GSK3B: variants seen among roughly 807,000 people sequenced by gnomAD.
GSK3B encodes glycogen synthase kinase 3 beta.
Under a neutral mutation model 56.4 loss-of-function variants are expected in GSK3B, and 15 were observed. That is an observed-to-expected ratio of 0.27 (90% confidence interval 0.18 to 0.41). The LOEUF (loss-of-function observed/expected upper bound fraction) is 0.41. Among genes scored for constraint, GSK3B ranks in the 10% least tolerant of loss-of-function variants. GSK3B has a pLI of 1.00. For synonymous variants in GSK3B, 181 were observed against 188.9 expected, an observed-to-expected ratio of 0.96 and a Z score of 0.34; for missense variants, 300 against 513.4, an observed-to-expected ratio of 0.58 and a Z score of 4.02.
intron 3 of GSK3B, among the ~76,000 whole-genome samples, chr3:119,925,371 T>C (rs995659083): frequency 6.6e-6 from 1 of 152,152 alleles, no homozygotes; most frequent in African/African-American, 2.4e-5. Flanking sequence ...TCCTGGTCCA[T>C]TCACTTTTCC....
chr3:120,037,372 T>C (rs1280452589), intron 1 of GSK3B, among the ~76,000 whole-genome samples: 1 of 152,200 alleles, frequency 6.6e-6, no homozygotes, highest in African/African-American at 2.4e-5. Flanking sequence ...CTTAACTTCT[T>C]AAGCAATTAA....
rs573037877 is a variant in GSK3B, at chr3:120,001,702, C to G, written c.282+344G>C. ...GTCAAATACATAAAATGCTTATATG[C>G]TACAGGCAGTGTTCCTCTGGTCTAC... On this transcript the variant is annotated intron_variant, in intron 2 of 10. Transcript: ENST00000264235. 6.6e-5 allele frequency among the ~76,000 whole-genome samples: 10 copies of G among 152,280 alleles called. No homozygotes were observed. In the South Asian group the frequency reaches 2.1e-3, roughly 32 times the overall value.
intron 9 of GSK3B, among the ~76,000 whole-genome samples, chr3:119,844,366 TAA>T (rs148828914): frequency 2.0e-5 from 3 of 147,506 alleles, no homozygotes; most frequent in Middle Eastern, 3.5e-3. Flanking sequence ...AAAAAACTCT[TAA>T]AAAAAAAAAA....
intron 2 of GSK3B, among the ~76,000 whole-genome samples, chr3:119,948,175 C>CA (rs140888610): frequency 0.11 from 16,920 of 151,690 alleles, 1,193 homozygotes; most frequent in Non-Finnish European, 0.16. Context: ...GCTTTCTAGC[C>CA]AAAAAAATAA....
chr3:120,061,567 A>G (rs2058237057), intron 1 of GSK3B, among the ~76,000 whole-genome samples: 1 of 152,208 alleles, frequency 6.6e-6, no homozygotes. Flanking sequence ...AACACTGTTT[A>G]GACACTATTA....
chr3:120,087,346 CACA>C (rs1307631910), intron 1 of GSK3B, among the ~76,000 whole-genome samples: 29 of 152,160 alleles, frequency 1.9e-4, no homozygotes, highest in Admixed American at 1.5e-3. Context: ...GCCTGGCCAA[CACA>C]GTGAAACTCC....
chr3:119,985,748 G>A (rs555995836), intron 2 of GSK3B, among the ~76,000 whole-genome samples: 6 of 152,204 alleles, frequency 3.9e-5, no homozygotes, highest in South Asian at 2.1e-4. Context: ...TGGTGAAAAC[G>A]GCCATACTGC....
chr3:119,919,391 G>A (rs920390116), intron 4 of GSK3B, among the ~76,000 whole-genome samples: 3 of 151,918 alleles, frequency 2.0e-5, no homozygotes, highest in Non-Finnish European at 2.9e-5. Context: ...CTACGTGAAG[G>A]AGATCAACTC....
At chr3:120,041,668 A>C (rs2058065746) in intron 1 of GSK3B, 1 of 151,844 alleles carries the variant, frequency 6.6e-6, no homozygotes, top group African/African-American at 2.4e-5. Flanking sequence ...CTAAATCTAA[A>C]AAGAAAGCAC....
chr3:119,922,114 G>T (rs145322948), intron 4 of GSK3B, among the ~76,000 whole-genome samples: 1 of 151,804 alleles, frequency 6.6e-6, no homozygotes, highest in African/African-American at 2.4e-5. Flanking sequence ...TCCAGCCTGG[G>T]CAACAGAGTG....
intron 7 of GSK3B, among the ~76,000 whole-genome samples, chr3:119,892,811 T>C (rs1281759241): frequency 6.6e-6 from 1 of 152,158 alleles, no homozygotes; most frequent in East Asian, 1.9e-4. Flanking sequence ...TTCATTTATT[T>C]TCTGCATATG....
chr3:119,905,371 T>C (rs1444153568), intron 7 of GSK3B, among the ~76,000 whole-genome samples: 2 of 152,080 alleles, frequency 1.3e-5, no homozygotes, highest in Non-Finnish European at 2.9e-5. Context: ...AAGTATCTCC[T>C]ATGTGCTCCA....
chr3:119,892,079 C>T lies in GSK3B; in HGVS notation c.813+13676G>A, dbSNP rs148260878. 7.7e-4 allele frequency among the ~76,000 whole-genome samples: 117 copies of T among 152,260 alleles called. No individual in the cohort carries two copies. In the East Asian group the frequency reaches 0.015, roughly 20 times the overall value. On this transcript the variant is annotated intron_variant, in intron 7 of 10. Transcript: ENST00000264235. Reference sequence around the variant, plus strand: ...AAAAAGCAACTGACAAGCTCTGAAACGCTAGTATTTCTTCCACAACGTTGT... The same window carrying T: ...AAAAAGCAACTGACAAGCTCTGAAATGCTAGTATTTCTTCCACAACGTTGT...
At chr3:119,948,784 T>C (rs1316313268) in intron 2 of GSK3B, among the ~76,000 whole-genome samples, 3 of 152,168 alleles carry the variant, frequency 2.0e-5, no homozygotes, top group Admixed American at 1.3e-4. Context: ...TTGCAACCTT[T>C]GCCTCCTGGG....
At chr3:120,012,934 A>G (rs1576270862) in intron 1 of GSK3B, among the ~76,000 whole-genome samples, 1 of 151,940 alleles carries the variant, frequency 6.6e-6, no homozygotes, top group African/African-American at 2.4e-5. Context: ...AAATCATCCT[A>G]CCTCAGCCTC....
intron 1 of GSK3B, chr3:120,028,778 C>A (rs114839744): frequency 1.7e-5 from 8 of 466,820 alleles, no homozygotes; most frequent in African/African-American, 1.2e-4. Flanking sequence ...GTTGGGGCAG[C>A]GACCAGGCGT....
At chr3:120,063,467 C>T (rs2058254394) in intron 1 of GSK3B, among the ~76,000 whole-genome samples, 1 of 152,164 alleles carries the variant, frequency 6.6e-6, no homozygotes, top group Non-Finnish European at 1.5e-5. Flanking sequence ...TGGCTCACAC[C>T]TGTAATCCCA....
rs114076448 is a variant in GSK3B at position 120,040,937 on chromosome 3, C to A, written c.89-38698G>T. ...GGAATCAACACCCTATGAACCTATT[C>A]CCTCCCAGCCTAAGTATCCCTCCTT... On this transcript the variant is annotated intron_variant, in intron 1 of 10. Coordinates refer to ENST00000264235, the MANE Select transcript of GSK3B (RefSeq NM_001146156.2). 5.7e-3 allele frequency among the ~76,000 whole-genome samples: 869 copies of A among 152,066 alleles called. 4 individuals carry two copies. The highest frequency in any genetic ancestry group is 9.2e-3 in the Admixed American group (141 of 15,262).
Position 119,950,065 on chromosome 3 carries a change from A to G in GSK3B, c.283-2714T>C, listed in dbSNP as rs995248800. ...ACGGAAGAAGTTCATACAGAAAAAAAATTCATGAAATGAAAAATAGAGGAC... is the reference window on the plus strand; with the variant it reads ...ACGGAAGAAGTTCATACAGAAAAAAGATTCATGAAATGAAAAATAGAGGAC... On this transcript the variant is annotated intron_variant, in intron 2 of 10. Transcript: ENST00000264235. Among the ~76,000 whole-genome samples, 8 of 152,158 alleles carry G rather than the reference A, an allele frequency of 5.3e-5. No individual in the cohort carries two copies. In the East Asian group the frequency reaches 1.5e-3, roughly 29 times the overall value.
Sources: gnomAD v4.1 joint callset for allele counts (sites outside exome capture counted in the v4.1 genomes callset) on GRCh38, gnomAD v4.1.1 for gene constraint, MANE v1.5 for transcripts, NCBI Gene and HGNC (gene_info 2026-07-23, HGNC 2026-07-21) for gene names.